MTF1: variants seen among roughly 807,000 people sequenced by gnomAD.
The protein encoded by MTF1 is metal regulatory transcription factor 1.
MTF1 carries 22 observed loss-of-function variants against 70.4 expected under a neutral mutation model. That is an observed-to-expected ratio of 0.31 (90% CI 0.22 to 0.45). MTF1 has a LOEUF of 0.45. MTF1 is among the 20% of genes least tolerant of loss of function. The pLI, the probability that MTF1 is intolerant of heterozygous loss-of-function variation, is 1.00. For synonymous variants in MTF1, 333 were observed against 352.8 expected (o/e 0.94, Z 0.63); for missense variants, 649 against 922.0 (o/e 0.70, Z 3.83).
intron 2 of MTF1, among the ~76,000 whole-genome samples, chr1:37,855,708 G>A (rs1174366162): frequency 6.6e-6 from 1 of 152,140 alleles, no homozygotes; most frequent in Admixed American, 6.5e-5. Context: ...TGTAATCCCA[G>A]CACTTTGGAA....
intron 2 of MTF1, among the ~76,000 whole-genome samples, chr1:37,853,256 G>C (rs1159749880): frequency 6.6e-6 from 1 of 152,160 alleles, no homozygotes; most frequent in Admixed American, 6.5e-5. Context: ...TTCTAGGAGA[G>C]TACAGTTCAA....
intron 2 of MTF1, among the ~76,000 whole-genome samples, chr1:37,852,487 T>G (rs1641430948): frequency 6.6e-6 from 1 of 152,154 alleles, no homozygotes; most frequent in Non-Finnish European, 1.5e-5. Flanking sequence ...CGAATACACC[T>G]CTGTTAAAAT....
intron 1 of MTF1, among the ~76,000 whole-genome samples, chr1:37,858,949 T>C (rs1199504794): frequency 6.6e-6 from 1 of 152,244 alleles, no homozygotes; most frequent in East Asian, 1.9e-4. Flanking sequence ...TTTATCTTTC[T>C]CTTCTGCTCT....
At chr1:37,822,804 C>T (rs1199052617) in intron 8 of MTF1, 88 bp from the exon 9 acceptor site, 1 of 880,688 alleles carries the variant, frequency 1.1e-6, no homozygotes, top group Non-Finnish European at 1.7e-6. Context: ...AAACAAAACA[C>T]AGCTGAAGTC....
intron 1 of MTF1, among the ~76,000 whole-genome samples, chr1:37,859,199 T>C (rs1641556530): frequency 6.6e-6 from 1 of 152,056 alleles, no homozygotes; most frequent in South Asian, 2.1e-4. Context: ...ACCAGGAGGT[T>C]TGAGGGTAGC....
chr1:37,834,582 T>A lies in MTF1; in HGVS notation c.990+497A>T, dbSNP rs1270835866. On this transcript the variant is annotated intron_variant, in intron 6 of 10. Transcript: ENST00000373036. ...ACTCTGGCTGATATATGTAGGACAGTCTATTGTGGAGTGGACAGAAGAGGG... is the reference window on the plus strand; with the variant it reads ...ACTCTGGCTGATATATGTAGGACAGACTATTGTGGAGTGGACAGAAGAGGG... The A allele has an allele frequency of 2.0e-5, 9 of 454,016 alleles. No homozygotes were observed. The East Asian group carries it at 6.3e-4, about 32-fold the overall frequency. The allele number at this position is 454,016 out of a possible 1,614,324, so 28.1% of individuals were successfully genotyped here. A position where few individuals can be genotyped will look rare whatever the true frequency, so the allele number is the denominator to read the frequency against.
intron 2 of MTF1, among the ~76,000 whole-genome samples, chr1:37,850,162 T>C (rs528204061): frequency 7.4e-6 from 1 of 135,066 alleles, no homozygotes; most frequent in Admixed American, 8.8e-5. Flanking sequence ...GGCTTGAGCC[T>C]GGGAGGTTAA....
chr1:37,825,828 T>G (rs1640994392), intron 7 of MTF1, among the ~76,000 whole-genome samples: 1 of 152,214 alleles, frequency 6.6e-6, no homozygotes, highest in Non-Finnish European at 1.5e-5. Flanking sequence ...TTTTTCTAGC[T>G]TACTTTAAGA....
chr1:37,827,960 C>T (rs193089790), intron 7 of MTF1, among the ~76,000 whole-genome samples: 2 of 152,086 alleles, frequency 1.3e-5, no homozygotes, highest in African/African-American at 4.8e-5. Context: ...TGGCTCCAAA[C>T]TGGAAACTAT....
chr1:37,815,641 C>T lies in MTF1; in HGVS notation c.1832-75G>A. 1 of 1,205,870 alleles carries T rather than the reference C, an allele frequency of 8.3e-7. No individual in the cohort carries two copies. Among genetic ancestry groups the T allele is most frequent in the Non-Finnish European group, 1.2e-6 (1 of 856,798 alleles). 74.7% of individuals were successfully genotyped at this position (1,205,870 alleles called of 1,614,324 possible). On this transcript the variant is annotated intron_variant, in intron 10 of 10. Transcript: ENST00000373036. This position sits in a 1 kb window ranked among gnomAD's most constrained non-coding sequence, Gnocchi z 4.5. ...AGCATGAGGGACAGGGATACATGGA[C>T]TAGGTGAGAGCAGAGTGCCATGGGA...
At chr1:37,852,066 A>G (rs917185428) in intron 2 of MTF1, among the ~76,000 whole-genome samples, 9 of 152,096 alleles carry the variant, frequency 5.9e-5, no homozygotes, top group Non-Finnish European at 1.3e-4. Context: ...GAATATTCTC[A>G]TTTGTTGACA....
chr1:37,820,589 A>C (rs1640895289), intron 9 of MTF1, among the ~76,000 whole-genome samples: 1 of 152,234 alleles, frequency 6.6e-6, no homozygotes, highest in African/African-American at 2.4e-5. Context: ...GATAGTAAAA[A>C]TATCAATGAT....
rs1640933234 is a variant in MTF1, at chr1:37,822,552, C to T, written c.1336G>A (p.Ala446Thr). 6.2e-7 allele frequency: 1 copy of T among 1,613,884 alleles called. No homozygotes were observed. The highest frequency in any genetic ancestry group is 8.5e-7 in the Non-Finnish European group (1 of 1,180,006). The change falls in exon 9 of 11, where the codon GCT becomes ACT. Residue 446 changes from alanine to threonine, a missense_variant. Physicochemically the swap from Ala to Thr is moderately conservative, Grantham distance 58 (BLOSUM62 0). Coordinates refer to ENST00000373036, the MANE Select transcript of MTF1 (RefSeq NM_005955.3). ...PASAPSAPPP[A>T]PSLGPGSQQA... ...TGGGAGCCAGGTCCTAGGGAGGGAG[C>T]AGGCGGAGGAGCAGACGGAGCTGAG... is the stretch of plus-strand genomic sequence containing the variant.
chr1:37,816,056 G>A lies in MTF1; in HGVS notation c.1832-490C>T, dbSNP rs954596647. ...CGGTACCCAGCCTCCCGGCACACAT[G>A]CACAGTGCTGCTGTTTTCCTTCCAC... On this transcript the variant is annotated intron_variant, in intron 10 of 10. Coordinates refer to ENST00000373036, the MANE Select transcript of MTF1 (RefSeq NM_005955.3). 3.3e-5 allele frequency among the ~76,000 whole-genome samples: 5 copies of A among 152,286 alleles called. No homozygotes were observed. The South Asian group carries it at 1.0e-3, about 32-fold the overall frequency.
rs1213403113 is a variant in MTF1, at chr1:37,817,537, A to AG, written c.1768-56dup. 2.5e-6 allele frequency: 3 copies of AG among 1,213,284 alleles called. No homozygotes were observed. In the African/African-American group the frequency reaches 4.5e-5, roughly 18 times the overall value. The allele number at this position is 1,213,284 out of a possible 1,614,324, so 75.2% of individuals were successfully genotyped here. A position where few individuals can be genotyped will look rare whatever the true frequency, so the allele number is the denominator to read the frequency against. On this transcript the variant is annotated intron_variant, in intron 9 of 10. Coordinates refer to ENST00000373036, the MANE Select transcript of MTF1 (RefSeq NM_005955.3). ...AGCCACTGTAATATGGCAGATCCCC[A>AG]GGGACCTGAAGCCTCACCAACTGTA...
intron 9 of MTF1, among the ~76,000 whole-genome samples, chr1:37,817,724 A>C (rs1640841212): frequency 6.6e-6 from 1 of 152,190 alleles, no homozygotes; most frequent in South Asian, 2.1e-4. Flanking sequence ...CCAGCTGCCT[A>C]ATCCAGTAGG....
intron 4 of MTF1, among the ~76,000 whole-genome samples, chr1:37,838,118 C>A (rs2148412990): frequency 6.6e-6 from 1 of 152,268 alleles, no homozygotes; most frequent in South Asian, 2.1e-4. Flanking sequence ...ATAATTTGAA[C>A]AAGTAACAAC....
intron 9 of MTF1, 24 bp downstream of exon 9, chr1:37,822,097 G>A: frequency 6.5e-7 from 1 of 1,535,070 alleles, no homozygotes; most frequent in Non-Finnish European, 8.9e-7. Context: ...CACCCCACTG[G>A]GTATATTCAT....
At chr1:37,859,272 AG>A (rs1641559377) in intron 1 of MTF1, among the ~76,000 whole-genome samples, 4 of 152,196 alleles carry the variant, frequency 2.6e-5, no homozygotes, top group Non-Finnish European at 4.4e-5. Flanking sequence ...TGTCTGGGAT[AG>A]CCCCCAGCAC....
Sources: gnomAD v4.1 joint callset for allele counts (sites outside exome capture counted in the v4.1 genomes callset) on GRCh38, gnomAD v4.1.1 for gene constraint, Gnocchi (gnomAD v3.1) non-coding constraint, MANE v1.5 for transcripts, NCBI Gene and HGNC (gene_info 2026-07-23, HGNC 2026-07-21) for gene names.